Variants in NPAS4 observed in about 807,000 individuals in gnomAD.
The protein encoded by NPAS4 is neuronal PAS domain-containing protein 4.
In NPAS4, 10 loss-of-function variants were observed where a neutral mutation model predicts 64.0. The ratio of observed to expected loss-of-function variants is 0.16; its 90% confidence interval spans 0.10 to 0.26. The LOEUF is 0.26. Among genes scored for constraint, NPAS4 ranks in the 10% least tolerant of loss-of-function variants. The probability of loss-of-function intolerance (pLI) is 1.00; values close to 1 mark genes in which losing one functional copy is unlikely to be tolerated. For synonymous variants in NPAS4, 441 were observed against 411.7 expected (o/e 1.07, Z -0.86); for missense variants, 886 against 992.6 (o/e 0.89, Z 1.44).
At chr11:66,422,633 G>A in intron 3 of NPAS4, 41 bp from the exon 4 acceptor site, 1 of 1,610,910 alleles carries the variant, frequency 6.2e-7, no homozygotes, top group Non-Finnish European at 8.5e-7. Flanking sequence ...CTCTCTCTCA[G>A]CCACTCACCC....
upstream of NPAS4, among the ~76,000 whole-genome samples, chr11:66,419,974 G>T (rs1856715173): frequency 6.6e-6 from 1 of 152,132 alleles, no homozygotes; most frequent in African/African-American, 2.4e-5. Flanking sequence ...GAGCCCTCCG[G>T]AGCGGTGCGG....
chr11:66,422,155 G>A lies in NPAS4; in HGVS notation c.211G>A (p.Ala71Thr). Reference sequence around the variant, plus strand: ...GGCGGGCCCCACGGGGCTTCTCTCAGCTCAAGAGCTTGAGGACATCGTAGC... The same window carrying A: ...GGCGGGCCCCACGGGGCTTCTCTCAACTCAAGAGCTTGAGGACATCGTAGC... ...PLAGPTGLLS[A>T]QELEDIVAAL... is the part of the protein sequence containing the mutation. The change falls in exon 2 of 8, where the codon GCT (alanine) becomes ACT (threonine). Residue 71 changes from alanine (A) to threonine (T), a missense_variant. Physicochemically the swap from Ala to Thr is moderately conservative, Grantham distance 58. Around this residue, in one of 3 missense-constraint regions of NPAS4, gnomAD observed 820 missense variants for 855.5 expected, o/e 0.96. Transcript: ENST00000311034. 1.2e-6 allele frequency: 2 copies of A among 1,614,062 alleles called. No homozygotes were observed. Among genetic ancestry groups the A allele is most frequent in the Non-Finnish European group, 1.7e-6 (2 of 1,180,010 alleles).
chr11:66,410,080 T>A, the NPAS4 span: 5 of 152,182 alleles, frequency 3.3e-5, no homozygotes, highest in African/African-American at 1.2e-4. Flanking sequence ...CCGGCAGGGC[T>A]CCCCAGAGTC....
Position 66,422,483 on chromosome 11 carries a change from C to T in NPAS4, c.360C>T (p.Tyr120=), listed in dbSNP as rs377576767. ...TGGTTGCCCAGGGTGACAGCATCTA[C>T]GACATCATTGACCCAGCTGACCACC... ...VDLVAQGDSI[Y]DIIDPADHLT... The change falls in exon 3 of 8, where the codon TAC becomes TAT. Residue 120 remains tyrosine, a synonymous_variant. Transcript: ENST00000311034. The T allele has an allele frequency of 8.6e-5, 138 of 1,613,980 alleles. No individual in the cohort carries two copies. The highest frequency in any genetic ancestry group is 1.1e-4 in the Non-Finnish European group (127 of 1,179,912).
At chr11:66,422,297 G>A (rs368937040) in intron 2 of NPAS4, 26 bp downstream of exon 2, 2 of 1,612,898 alleles carry the variant, frequency 1.2e-6, no homozygotes, top group East Asian at 2.2e-5. Flanking sequence ...CCTTTCAGCT[G>A]AGGCTGGGCA....
chr11:66,412,309 G>GC, the NPAS4 span, among the ~76,000 whole-genome samples: 2 of 152,210 alleles, frequency 1.3e-5, no homozygotes, highest in Non-Finnish European at 2.9e-5. Context: ...GGCAGCTGCT[G>GC]CCCGGGGAAG....
intron 7 of NPAS4, 122 bp from the exon 8 acceptor site, chr11:66,425,839 A>G: frequency 1.3e-6 from 1 of 750,450 alleles, no homozygotes; most frequent in Non-Finnish European, 2.4e-6. Context: ...GCCTCTGGCC[A>G]TCATTTCATC....
At position 66,425,079 on chromosome 11, in the gene NPAS4, A is replaced by G; in HGVS notation, c.2189A>G (p.Asp730Gly). The change falls in exon 7 of 8, where the codon GAT becomes GGT. Residue 730 changes from aspartate (D) to glycine (G), a missense_variant. By Grantham distance (94) the Asp-to-Gly change is moderately conservative. Coordinates refer to ENST00000311034, the MANE Select transcript of NPAS4 (RefSeq NM_178864.4). ...CCCAGTGAGGAATGGGGCTCAGGGG[A>G]TCCTGAGGCAGAGGGCCCAGGAGGG... Reference protein sequence around the residue: ...PDPSEEWGSGDPEAEGPGGAP... With the variant: ...PDPSEEWGSGGPEAEGPGGAP... 1 of 1,603,618 alleles carries G rather than the reference A, an allele frequency of 6.2e-7. No individual in the cohort carries two copies. The highest frequency in any genetic ancestry group is 8.5e-7 in the Non-Finnish European group (1 of 1,175,838).
intron 1 of NPAS4, 124 bp downstream of exon 1, chr11:66,421,478 C>A: frequency 2.5e-6 from 2 of 805,668 alleles, no homozygotes; most frequent in Non-Finnish European, 4.1e-6. Flanking sequence ...AGATTCGGGA[C>A]TCGGGAGATT....
At chr11:66,423,072 G>A in intron 4 of NPAS4, 51 bp from the exon 5 acceptor site, 1 of 1,492,984 alleles carries the variant, frequency 6.7e-7, no homozygotes. Context: ...AGATGCATGG[G>A]TATCAAGCAA....
chr11:66,410,883 C>A, the NPAS4 span: 11 of 152,380 alleles, frequency 7.2e-5, no homozygotes. Flanking sequence ...CTGGAGACAG[C>A]AGTTGCTTTA....
the NPAS4 span, chr11:66,409,186 C>T: frequency 6.6e-6 from 1 of 151,708 alleles, no homozygotes; most frequent in Admixed American, 6.6e-5. Flanking sequence ...GCGGCTCCAC[C>T]AGAGCCTGGG....
At chr11:66,414,014 C>G in the NPAS4 span, among the ~76,000 whole-genome samples, 1 of 152,244 alleles carries the variant, frequency 6.6e-6, no homozygotes, top group Non-Finnish European at 1.5e-5. Context: ...TGCCCTGTGC[C>G]AGGCCTTGTG....
upstream of NPAS4, among the ~76,000 whole-genome samples, chr11:66,417,288 CTG>C (rs912452638): frequency 7.3e-5 from 11 of 151,358 alleles, no homozygotes; most frequent in East Asian, 1.9e-4. Flanking sequence ...GTATGTGCGC[CTG>C]TGTGTGTGTG....
At chr11:66,416,154 C>G (rs1191688317), upstream of NPAS4, among the ~76,000 whole-genome samples, 1 of 152,104 alleles carries the variant, frequency 6.6e-6, no homozygotes, top group Non-Finnish European at 1.5e-5. Context: ...TCTAACAGGC[C>G]AGAGCAAATC....
At chr11:66,416,886 A>G (rs182495071), upstream of NPAS4, 2 of 152,206 alleles carry the variant, frequency 1.3e-5, no homozygotes, top group East Asian at 1.9e-4. Context: ...AGGAGTCTCC[A>G]TGCTGTTCTG....
upstream of NPAS4, among the ~76,000 whole-genome samples, chr11:66,420,643 C>G (rs1006352839): frequency 9.9e-5 from 15 of 152,254 alleles, no homozygotes; most frequent in African/African-American, 2.9e-4. Flanking sequence ...TCAGTGCCGG[C>G]CCCTCTCTGC....
At position 66,426,124 on chromosome 11, in the gene NPAS4, G is replaced by C. The variant is rs1409312565; in HGVS notation, c.*135G>C. 3 of 365,744 alleles carry C rather than the reference G, an allele frequency of 8.2e-6. No homozygotes were observed. The highest frequency in any genetic ancestry group is 5.6e-6 in the Non-Finnish European group (1 of 178,290). 22.7% of individuals were successfully genotyped at this position (365,744 alleles called of 1,614,324 possible). Reference sequence around the variant, plus strand: ...ATATATGATTCCCCAGGCCCTGCAGGATTTTGGGGGGGGGGAGGTGGGAGG... The same window carrying C: ...ATATATGATTCCCCAGGCCCTGCAGCATTTTGGGGGGGGGGAGGTGGGAGG... On this transcript the variant is annotated 3_prime_UTR_variant, in exon 8 of 8. Transcript: ENST00000311034.
At position 66,423,990 on chromosome 11, in the gene NPAS4, T is replaced by C; in HGVS notation, c.1100T>C (p.Leu367Pro). Residue 367 changes from leucine (L) to proline (P), a missense_variant, in exon 7 of 8, where the codon CTG becomes CCG. Leu to Pro is a moderately conservative substitution (Grantham distance 98, BLOSUM62 -3). Coordinates refer to ENST00000311034, the MANE Select transcript of NPAS4 (RefSeq NM_178864.4). ...ACTAACCCACTCTTCACCGCAGCAC[T>C]GGGGGCTCCCAGAAGCACCAGCTTC... is the stretch of plus-strand genomic sequence containing the variant. ...SSTNPLFTAA[L>P]GAPRSTSFPS... 1 of 1,614,128 alleles carries C rather than the reference T, an allele frequency of 6.2e-7. No individual in the cohort carries two copies. The highest frequency in any genetic ancestry group is 1.3e-5 in the African/African-American group (1 of 75,016).
Sources: gnomAD v4.1 joint callset for allele counts (sites outside exome capture counted in the v4.1 genomes callset) on GRCh38, gnomAD v4.1.1 for gene constraint, gnomAD v4.1.1 regional missense constraint, MANE v1.5 for transcripts, NCBI Gene and HGNC (gene_info 2026-07-23, HGNC 2026-07-21) for gene names.